The following ADORA2B variants were observed in gnomAD, a reference collection of about 807,000 sequenced individuals.
ADORA2B encodes the protein adenosine receptor A2b.
Under a neutral mutation model 20.8 loss-of-function variants are expected in ADORA2B, and 18 were observed. The ratio of observed to expected loss-of-function variants is 0.87; its 90% CI spans 0.60 to 1.29. ADORA2B has a LOEUF of 1.29. ADORA2B is among the 50% of genes most tolerant of loss of function. The probability of loss-of-function intolerance (pLI) is 0.00; values close to 1 mark genes in which losing one functional copy is unlikely to be tolerated. For synonymous variants in ADORA2B, 179 were observed against 178.3 expected (o/e 1.00, Z -0.03); for missense variants, 441 against 422.7 (o/e 1.04, Z -0.38).
the ADORA2B span, among the ~76,000 whole-genome samples, chr17:15,908,993 T>G: frequency 6.6e-6 from 1 of 152,162 alleles, no homozygotes; most frequent in Non-Finnish European, 1.5e-5. Flanking sequence ...TTAGTCTCTT[T>G]TTTTGCTAAA....
the ADORA2B span, among the ~76,000 whole-genome samples, chr17:15,855,835 T>A: frequency 6.6e-6 from 1 of 152,054 alleles, no homozygotes; most frequent in African/African-American, 2.4e-5. Context: ...TTTTTCAACC[T>A]TTGCCCCCCT....
chr17:15,902,893 ACCTGT>A, the ADORA2B span, among the ~76,000 whole-genome samples: 1 of 152,168 alleles, frequency 6.6e-6, no homozygotes, highest in Non-Finnish European at 1.5e-5. Flanking sequence ...CTCACTGGCA[ACCTGT>A]CATGGCAGGT....
the ADORA2B span, among the ~76,000 whole-genome samples, chr17:15,861,317 G>A: frequency 5.3e-5 from 8 of 152,318 alleles, no homozygotes; most frequent in East Asian, 1.5e-3. Flanking sequence ...GTCTGGACTA[G>A]ACTGGGCTTC....
chr17:15,892,890 A>G, the ADORA2B span, among the ~76,000 whole-genome samples: 4 of 152,168 alleles, frequency 2.6e-5, no homozygotes, highest in Admixed American at 1.3e-4. Flanking sequence ...AGGCAAGGCA[A>G]GTAACCAGGC....
chr17:15,963,595 C>T (rs988886496), intron 1 of ADORA2B, among the ~76,000 whole-genome samples: 15 of 152,144 alleles, frequency 9.9e-5, no homozygotes, highest in Non-Finnish European at 4.4e-5. Context: ...GGAAGGAGAT[C>T]AGAGTCTGGA....
chr17:15,962,514 A>G (rs1286441325), intron 1 of ADORA2B, among the ~76,000 whole-genome samples: 2 of 151,366 alleles, frequency 1.3e-5, no homozygotes, highest in African/African-American at 4.8e-5. Context: ...CATTCCTGTT[A>G]TTTATTTATT....
chr17:15,856,965 C>T, the ADORA2B span, among the ~76,000 whole-genome samples: 2 of 152,170 alleles, frequency 1.3e-5, no homozygotes, highest in Non-Finnish European at 1.5e-5. Context: ...AAAAATGTCC[C>T]CAGGACATGT....
At chr17:15,878,138 C>A in the ADORA2B span, among the ~76,000 whole-genome samples, 4 of 151,476 alleles carry the variant, frequency 2.6e-5, no homozygotes, top group Non-Finnish European at 5.9e-5. Context: ...TTAATCATAT[C>A]TGTCACAGAG....
intron 1 of ADORA2B, among the ~76,000 whole-genome samples, chr17:15,946,340 G>A (rs1481297051): frequency 6.6e-6 from 1 of 152,190 alleles, no homozygotes; most frequent in African/African-American, 2.4e-5. Flanking sequence ...GAAAATGGTG[G>A]CGAACTTACT....
At chr17:15,959,115 C>T (rs1379766583) in intron 1 of ADORA2B, among the ~76,000 whole-genome samples, 3 of 152,086 alleles carry the variant, frequency 2.0e-5, no homozygotes, top group Non-Finnish European at 4.4e-5. Context: ...CTGAAGAGGC[C>T]AAAAAGCTAG....
chr17:15,934,274 G>C, the ADORA2B span, among the ~76,000 whole-genome samples: 77 of 152,112 alleles, frequency 5.1e-4, no homozygotes, highest in South Asian at 0.015. Context: ...TGTCACCCAG[G>C]TTGCAGTTCA....
chr17:15,942,797 G>A (rs148438037), upstream of ADORA2B, among the ~76,000 whole-genome samples: 27 of 152,328 alleles, frequency 1.8e-4, 2 homozygotes, highest in African/African-American at 6.5e-4. Flanking sequence ...CTCCAGCCTG[G>A]CAGCCAGAGC....
At chr17:15,870,739 C>T in the ADORA2B span, among the ~76,000 whole-genome samples, 3 of 152,236 alleles carry the variant, frequency 2.0e-5, no homozygotes, top group Non-Finnish European at 4.4e-5. Context: ...AATACCAGCC[C>T]ACCTGGGGCT....
Position 15,974,716 on chromosome 17 carries a change from G to A in ADORA2B, c.373G>A (p.Val125Ile). 2 of 1,614,118 alleles carry A rather than the reference G, an allele frequency of 1.2e-6. No individual in the cohort carries two copies. Among genetic ancestry groups the A allele is most frequent in the Non-Finnish European group, 1.7e-6 (2 of 1,180,018 alleles). ...SLVTGTRARG[V>I]IAVLWVLAFG... Reference sequence around the variant, plus strand: ...GGTCACGGGGACCCGAGCAAGAGGGGTCATTGCTGTCCTCTGGGTCCTTGC... The same window carrying A: ...GGTCACGGGGACCCGAGCAAGAGGGATCATTGCTGTCCTCTGGGTCCTTGC... The change falls in exon 2 of 2, where the codon GTC becomes ATC. Residue 125 changes from valine (V) to isoleucine (I), a missense_variant. Physicochemically the swap from Val to Ile is conservative, Grantham distance 29. Coordinates refer to ENST00000304222, the MANE Select transcript of ADORA2B (RefSeq NM_000676.4).
the ADORA2B span, among the ~76,000 whole-genome samples, chr17:15,897,681 T>A: frequency 6.6e-6 from 1 of 152,162 alleles, no homozygotes; most frequent in Non-Finnish European, 1.5e-5. Context: ...ATCACAAGTG[T>A]CCAATAGACA....
At chr17:15,870,891 C>A in the ADORA2B span, among the ~76,000 whole-genome samples, 17 of 152,204 alleles carry the variant, frequency 1.1e-4, no homozygotes, top group African/African-American at 3.9e-4. Flanking sequence ...ATAGCAGATG[C>A]GCGGCACTGT....
At chr17:15,874,534 A>T in the ADORA2B span, among the ~76,000 whole-genome samples, 10 of 151,938 alleles carry the variant, frequency 6.6e-5, no homozygotes, top group East Asian at 1.7e-3. Context: ...CCAAAAAAAA[A>T]AATAAATAAT....
chr17:15,951,954 C>T (rs1468927664), intron 1 of ADORA2B, among the ~76,000 whole-genome samples: 1 of 152,236 alleles, frequency 6.6e-6, no homozygotes, highest in Non-Finnish European at 1.5e-5. Context: ...GCACAGTCTG[C>T]AGCAGCTCTG....
At chr17:15,918,121 T>C in the ADORA2B span, among the ~76,000 whole-genome samples, 1 of 152,196 alleles carries the variant, frequency 6.6e-6, no homozygotes, top group Admixed American at 6.5e-5. Flanking sequence ...TTCTTCCCGG[T>C]TGCCCAAGAC....
Sources: gnomAD v4.1 joint callset for allele counts (sites outside exome capture counted in the v4.1 genomes callset) on GRCh38, gnomAD v4.1.1 for gene constraint, MANE v1.5 for transcripts, NCBI Gene and HGNC (gene_info 2026-07-23, HGNC 2026-07-21) for gene names.